Variants in NYAP2 observed in about 807,000 individuals in gnomAD.
The protein encoded by NYAP2 is neuronal tyrosine-phosphorylated phosphoinositide-3-kinase adapter 2.
Under a neutral mutation model 50.4 loss-of-function variants are expected in NYAP2, and 23 were observed. The observed-to-expected ratio is 0.46, with a 90% CI of 0.33 to 0.65. NYAP2 has a LOEUF of 0.65. Among genes scored for constraint, NYAP2 ranks in the 30% least tolerant of loss-of-function variants. The probability of loss-of-function intolerance (pLI) is 0.02; values close to 1 mark genes in which losing one functional copy is unlikely to be tolerated. For synonymous variants in NYAP2, 394 were observed against 365.2 expected, an observed-to-expected ratio of 1.08 and a Z score of -0.90; for missense variants, 885 against 861.0, an observed-to-expected ratio of 1.03 and a Z score of -0.35.
chr2:225,428,684 A>G (rs1192858409), intron 3 of NYAP2, among the ~76,000 whole-genome samples: 3 of 152,208 alleles, frequency 2.0e-5, no homozygotes, highest in African/African-American at 7.2e-5. Flanking sequence ...AATTCTTTGG[A>G]AGAGATTTCT....
At chr2:225,642,084 G>A (rs943556752) in intron 6 of NYAP2, among the ~76,000 whole-genome samples, 1 of 152,122 alleles carries the variant, frequency 6.6e-6, no homozygotes, top group Non-Finnish European at 1.5e-5. Context: ...CTTTCAAAGA[G>A]CATGGAGCTT....
In NYAP2 at chr2:225,582,890, G is replaced by A. The variant is rs768553811; in HGVS notation, c.1473G>A (p.Ala491=). The change falls in exon 5 of 7, where the codon GCG becomes GCA. Residue 491 remains alanine (A), a synonymous_variant. Coordinates refer to ENST00000636099, the Ensembl canonical transcript of NYAP2. The surrounding 1 kb of genome is among the most constrained non-coding windows in gnomAD (Gnocchi z 7.0). ...ATGGGGCCAAGATGGTCAACGCCGCGGTGAACACCTACGGGGCAGCCCCGG... is the reference window on the plus strand; with the variant it reads ...ATGGGGCCAAGATGGTCAACGCCGCAGTGAACACCTACGGGGCAGCCCCGG... 36 of 1,613,532 alleles carry A rather than the reference G, an allele frequency of 2.2e-5. No individual in the cohort carries two copies. The highest frequency in any genetic ancestry group is 2.9e-5 in the Non-Finnish European group (34 of 1,179,862).
intron 2 of NYAP2, among the ~76,000 whole-genome samples, chr2:225,402,137 G>A (rs1004791413): frequency 2.0e-5 from 3 of 151,976 alleles, no homozygotes; most frequent in African/African-American, 7.2e-5. Context: ...CAAAGAAAGG[G>A]ACTATGTGAA....
At chr2:225,699,238 T>C in the NYAP2 span, 1 of 151,960 alleles carries the variant, frequency 6.6e-6, no homozygotes, top group African/African-American at 2.4e-5. Context: ...TAGTAATAAC[T>C]AAGCAATGGT....
At chr2:225,682,345 G>A in the NYAP2 span, among the ~76,000 whole-genome samples, 2 of 152,182 alleles carry the variant, frequency 1.3e-5, no homozygotes, top group African/African-American at 4.8e-5. Context: ...TTCAGTAAGT[G>A]TGAAAAGCCA....
At chr2:225,448,944 G>A (rs942216538) in intron 3 of NYAP2, among the ~76,000 whole-genome samples, 6 of 152,110 alleles carry the variant, frequency 3.9e-5, no homozygotes, top group African/African-American at 1.4e-4. Context: ...TTATGTTGGG[G>A]CATTTCTGTA....
At chr2:225,428,803 A>G (rs1463804294) in intron 3 of NYAP2, among the ~76,000 whole-genome samples, 3 of 152,232 alleles carry the variant, frequency 2.0e-5, no homozygotes, top group Non-Finnish European at 4.4e-5. Flanking sequence ...CATACACAGT[A>G]AAACTTCAAG....
intron 5 of NYAP2, among the ~76,000 whole-genome samples, chr2:225,606,942 A>G (rs1692797266): frequency 6.6e-6 from 1 of 152,108 alleles, no homozygotes; most frequent in South Asian, 2.1e-4. Context: ...TTTTGTATGT[A>G]AAACCACCCT....
At chr2:225,637,671 C>G (rs970865897) in intron 6 of NYAP2, among the ~76,000 whole-genome samples, 1 of 152,054 alleles carries the variant, frequency 6.6e-6, no homozygotes, top group Non-Finnish European at 1.5e-5. Flanking sequence ...AGCTGTAGCC[C>G]CAAGACTCCC....
chr2:225,624,984 A>T (rs551401886), intron 5 of NYAP2, among the ~76,000 whole-genome samples: 1 of 149,556 alleles, frequency 6.7e-6, no homozygotes, highest in African/African-American at 2.5e-5. Context: ...ATGGTGAACC[A>T]AAGTGTGACA....
intron 3 of NYAP2, among the ~76,000 whole-genome samples, chr2:225,510,350 G>T (rs1195659223): frequency 2.0e-5 from 3 of 151,966 alleles, no homozygotes; most frequent in African/African-American, 7.3e-5. Context: ...TTTCTGGGGG[G>T]GTTCTGGATT....
At chr2:225,667,797 G>A in the NYAP2 span, among the ~76,000 whole-genome samples, 1 of 151,960 alleles carries the variant, frequency 6.6e-6, no homozygotes, top group Admixed American at 6.5e-5. Flanking sequence ...ACTTAATAGA[G>A]ATACCTTAAT....
the NYAP2 span, among the ~76,000 whole-genome samples, chr2:225,672,914 T>C: frequency 6.6e-6 from 1 of 151,722 alleles, no homozygotes; most frequent in Non-Finnish European, 1.5e-5. Context: ...CCCCAAGCAA[T>C]TACAATAGTG....
Position 225,486,994 on chromosome 2 carries a change from A to G in NYAP2, c.222-26377A>G, listed in dbSNP as rs573234828. ...ACATATGAGTAGCACTTTTGAAATT[A>G]TAGGTAGACAAAAGTCACATATTGC... On this transcript the variant is annotated intron_variant, in intron 3 of 6. Coordinates refer to ENST00000636099, the Ensembl canonical transcript of NYAP2. Among the ~76,000 whole-genome samples the G allele has an allele frequency of 2.6e-5, 4 of 152,360 alleles. No individual in the cohort carries two copies. In the South Asian group the frequency reaches 8.3e-4, roughly 32 times the overall value.
chr2:225,448,828 T>G (rs1401033787), intron 3 of NYAP2, among the ~76,000 whole-genome samples: 1 of 152,224 alleles, frequency 6.6e-6, no homozygotes, highest in Admixed American at 6.5e-5. Context: ...GTTATTAATT[T>G]TTAAACCAGT....
chr2:225,653,985 C>T (rs150340558), exon 7 of NYAP2: 3,295 of 149,418 alleles, frequency 0.022, 135 homozygotes, highest in African/African-American at 0.077. Context: ...CACCACTGCA[C>T]TCCAGCCTGG....
chr2:225,530,339 G>T (rs1455980920), intron 4 of NYAP2, among the ~76,000 whole-genome samples: 1 of 152,076 alleles, frequency 6.6e-6, no homozygotes, highest in African/African-American at 2.4e-5. Flanking sequence ...GCACATGTTT[G>T]CTCTGAGGCC....
intron 5 of NYAP2, among the ~76,000 whole-genome samples, chr2:225,590,052 T>A (rs1341015989): frequency 6.6e-6 from 1 of 152,214 alleles, no homozygotes; most frequent in Non-Finnish European, 1.5e-5. Context: ...CCCAGATACC[T>A]GAAGCCACCT....
At chr2:225,402,296 A>G (rs1249793141) in intron 2 of NYAP2, among the ~76,000 whole-genome samples, 1 of 152,060 alleles carries the variant, frequency 6.6e-6, no homozygotes, top group Non-Finnish European at 1.5e-5. Flanking sequence ...AAGGTTGGTT[A>G]TTGTTTAAAA....
Sources: gnomAD v4.1 joint callset for allele counts (sites outside exome capture counted in the v4.1 genomes callset) on GRCh38, gnomAD v4.1.1 for gene constraint, Gnocchi (gnomAD v3.1) non-coding constraint, MANE v1.5 for transcripts, NCBI Gene and HGNC (gene_info 2026-07-23, HGNC 2026-07-21) for gene names.